The following DMD variants were observed in gnomAD, a reference collection of about 807,000 sequenced individuals.
DMD encodes mutant dystrophin.
A neutral mutation model predicts 330.1 loss-of-function variants in DMD; 63 were observed. The ratio of observed to expected loss-of-function variants is 0.19; its 90% CI spans 0.16 to 0.24. DMD has a LOEUF of 0.24. Ranked by LOEUF, DMD falls within the 10% of genes least tolerant of loss-of-function variation. The pLI is 1.00. For synonymous variants in DMD, 1,223 were observed against 959.8 expected (o/e 1.27, Z -5.07); for missense variants, 3,344 against 2,684.1 (o/e 1.25, Z -5.43).
intron 2 of DMD, among the ~76,000 whole-genome samples, chrX:32,871,621 G>T (rs972511613): frequency 1.8e-5 from 2 of 111,440 alleles, no homozygotes; most frequent in Non-Finnish European, 3.8e-5. Context: ...GTAAATAAGA[G>T]CTGGGAAGAT....
Position 32,485,105 on chromosome X carries a change from C to T in DMD, c.2623-6G>A. ...GATAGCCGGTTGACTTCATCCTGTG[C>T]CATAGAGTATGGAAAGTAAGTAACA... On this transcript the variant is annotated splice_region_variant and splice_polypyrimidine_tract_variant and intron_variant, in intron 20 of 78. Transcript: ENST00000357033. 1 of 1,205,326 alleles carries T rather than the reference C, an allele frequency of 8.3e-7. No homozygotes were observed. Among genetic ancestry groups the T allele is most frequent in the Non-Finnish European group, 1.1e-6 (1 of 889,914 alleles).
At position 32,882,341 on chromosome X, in the gene DMD, T is replaced by C. The variant is rs187281563; in HGVS notation, c.94-32521A>G. ...TGCTACCTCTTCTCTTTGTCAATTT[T>C]TCAATACCTAGATCCCAATTCCTCT... On this transcript the variant is annotated intron_variant, in intron 2 of 78. Coordinates refer to ENST00000357033, the MANE Select transcript of DMD (RefSeq NM_004006.3). Among the ~76,000 whole-genome samples, 422 of 112,104 alleles carry C rather than the reference T, an allele frequency of 3.8e-3. 1 individual carries two copies. The highest frequency in any genetic ancestry group is 0.013 in the African/African-American group (404 of 30,850).
intron 1 of DMD, among the ~76,000 whole-genome samples, chrX:33,156,106 T>C (rs1189738890): frequency 9.0e-6 from 1 of 111,540 alleles, no homozygotes; most frequent in Non-Finnish European, 1.9e-5. Flanking sequence ...TTTTTTTAAA[T>C]AGAAGTTTTT....
chrX:32,083,103 C>A (rs912010827), intron 44 of DMD, among the ~76,000 whole-genome samples: 3 of 111,628 alleles, frequency 2.7e-5, no homozygotes, highest in Non-Finnish European at 5.6e-5. Context: ...TGACCTCAGA[C>A]AAGTAATAGA....
intron 48 of DMD, among the ~76,000 whole-genome samples, chrX:31,849,045 T>C (rs2092506087): frequency 9.0e-6 from 1 of 110,756 alleles, no homozygotes; most frequent in Middle Eastern, 4.3e-3. Context: ...TTAGAAATAG[T>C]ACAAAAAGGA....
intron 44 of DMD, among the ~76,000 whole-genome samples, chrX:32,028,211 T>G (rs1021341781): frequency 4.5e-5 from 5 of 111,596 alleles, no homozygotes; most frequent in Admixed American, 1.9e-4. Flanking sequence ...GTGGTGCCAT[T>G]GTCTGAAACA....
At chrX:31,613,916 T>C (rs16989720) in intron 55 of DMD, among the ~76,000 whole-genome samples, 4,806 of 111,826 alleles carry the variant, frequency 0.043, 172 homozygotes, top group Admixed American at 0.16. Flanking sequence ...CGGGTATATA[T>C]TGCATGAATT....
chrX:32,235,637 G>C (rs926520390), intron 43 of DMD, among the ~76,000 whole-genome samples: 3 of 111,811 alleles, frequency 2.7e-5, no homozygotes, highest in Non-Finnish European at 5.6e-5. Flanking sequence ...GAGGCCAAAA[G>C]GGGGTGTATC....
intron 44 of DMD, among the ~76,000 whole-genome samples, chrX:32,067,902 T>C (rs552925447): frequency 8.9e-6 from 1 of 111,942 alleles, no homozygotes; most frequent in African/African-American, 3.2e-5. Context: ...AAATGATAGT[T>C]CTATTTTAAG....
chrX:32,727,800 T>A (rs866924357), intron 7 of DMD, among the ~76,000 whole-genome samples: 1 of 108,357 alleles, frequency 9.2e-6, no homozygotes, highest in Non-Finnish European at 1.9e-5. Context: ...ATATTCCAAT[T>A]CACTTTTATT....
intron 21 of DMD, among the ~76,000 whole-genome samples, chrX:32,477,448 T>A (rs1460631639): frequency 9.0e-6 from 1 of 110,594 alleles, no homozygotes; most frequent in African/African-American, 3.3e-5. Flanking sequence ...AAACTGCTTG[T>A]CTTTAACTCT....
At chrX:31,825,281 A>G (rs930854827) in intron 49 of DMD, among the ~76,000 whole-genome samples, 2 of 112,098 alleles carry the variant, frequency 1.8e-5, no homozygotes, top group African/African-American at 3.2e-5. Flanking sequence ...TGGTAATCTT[A>G]GTCATTTATC....
At chrX:31,178,906 G>A (rs1311352507) in intron 69 of DMD, 101 bp from the exon 70 acceptor site, 8 of 1,020,051 alleles carry the variant, frequency 7.8e-6, no homozygotes, top group Middle Eastern at 3.0e-4. Context: ...TTGTAATTAA[G>A]GAGAGTGTTG....
At chrX:32,861,588 G>A (rs1259948332) in intron 2 of DMD, among the ~76,000 whole-genome samples, 1 of 111,511 alleles carries the variant, frequency 9.0e-6, no homozygotes, top group Non-Finnish European at 1.9e-5. Flanking sequence ...ACTACTCTTA[G>A]ACTCCTAAGA....
At chrX:31,925,996 T>C (rs1462567563) in intron 47 of DMD, among the ~76,000 whole-genome samples, 1 of 110,669 alleles carries the variant, frequency 9.0e-6, no homozygotes, top group Non-Finnish European at 1.9e-5. Context: ...AAGAGAGTGA[T>C]GATGATGGCG....
At chrX:32,453,922 G>A (rs1403782021) in intron 26 of DMD, among the ~76,000 whole-genome samples, 2 of 110,972 alleles carry the variant, frequency 1.8e-5, no homozygotes, top group African/African-American at 6.5e-5. Context: ...GCTACTAATT[G>A]AGCACCAACT....
At chrX:32,964,417 C>A (rs1249927456) in intron 2 of DMD, among the ~76,000 whole-genome samples, 1 of 110,525 alleles carries the variant, frequency 9.0e-6, no homozygotes, top group East Asian at 2.9e-4. Context: ...ATGCAGAGTT[C>A]TCTTTATAAG....
At chrX:32,593,719 A>T (rs1470806649) in intron 13 of DMD, among the ~76,000 whole-genome samples, 2 of 112,561 alleles carry the variant, frequency 1.8e-5, no homozygotes, top group African/African-American at 3.2e-5. Context: ...GGGATGTGGA[A>T]TGCTTAGAAA....
At chrX:31,373,808 A>G (rs1372692386) in intron 60 of DMD, among the ~76,000 whole-genome samples, 6 of 109,580 alleles carry the variant, frequency 5.5e-5, no homozygotes, top group African/African-American at 1.0e-4. Context: ...ACAAAAGCCA[A>G]AATTGACAAA....
Sources: allele counts gnomAD v4.1 joint callset (sites outside exome capture counted in the v4.1 genomes callset), GRCh38; gene constraint gnomAD v4.1.1; transcripts MANE v1.5; gene names NCBI Gene and HGNC (gene_info 2026-07-23, HGNC 2026-07-21).